SCN4A: variants seen among roughly 807,000 people sequenced by gnomAD.
SCN4A encodes sodium voltage-gated channel alpha subunit 4, also known as sodium channel protein type 4 subunit alpha.
In SCN4A, 83 loss-of-function variants were observed where a neutral mutation model predicts 162.0. The observed-to-expected ratio is 0.51, with a 90% CI of 0.43 to 0.61. The LOEUF (loss-of-function observed/expected upper bound fraction) is 0.61. Among genes scored for constraint, SCN4A ranks in the 20% least tolerant of loss-of-function variants. SCN4A has a pLI of 0.00. For synonymous variants in SCN4A, 944 were observed against 985.1 expected (o/e 0.96, Z 0.78); for missense variants, 2,196 against 2,462.5 (o/e 0.89, Z 2.29).
intron 23 of SCN4A, among the ~76,000 whole-genome samples, chr17:63,942,257 TG>T (rs1321411279): frequency 0.12 from 12,511 of 104,774 alleles, 1,740 homozygotes; most frequent in African/African-American, 0.36. Flanking sequence ...CAAATGCCAC[TG>T]GTGTGTGTGT....
intron 13 of SCN4A, among the ~76,000 whole-genome samples, chr17:63,955,467 TGAAA>T (rs1909045895): frequency 6.6e-6 from 1 of 152,184 alleles, no homozygotes; most frequent in Non-Finnish European, 1.5e-5. Flanking sequence ...AACCACCCAG[TGAAA>T]GAGTCATCCC....
rs182909174 is a variant in SCN4A, at chr17:63,960,134, T to A, written c.1846-696A>T. ...AGCTCCCTGGGCACGGCCCCCCTCC[T>A]GCCAGGCACCAGCTGCCCTGGGTCC... is the stretch of plus-strand genomic sequence containing the variant. On this transcript the variant is annotated intron_variant, in intron 11 of 23. Transcript: ENST00000435607. Among the ~76,000 whole-genome samples the A allele has an allele frequency of 4.6e-4, 70 of 152,332 alleles. No homozygotes were observed. The East Asian group carries it at 6.6e-3, about 14-fold the overall frequency.
intron 10 of SCN4A, chr17:63,961,637 A>C (rs1379967253): frequency 2.7e-6 from 1 of 372,874 alleles, no homozygotes; most frequent in Non-Finnish European, 5.1e-6. Flanking sequence ...ACATGGCTTC[A>C]CCCCAAAGCC....
At chr17:63,966,005 G>T in intron 8 of SCN4A, 97 bp downstream of exon 8, 1 of 887,360 alleles carries the variant, frequency 1.1e-6, no homozygotes, top group Non-Finnish European at 1.8e-6. Context: ...TTCGGGGGTT[G>T]GCCATCCTGT....
Position 63,949,478 on chromosome 17 carries a change from A to AGG in SCN4A, c.2903_2904insCC (p.Asp969LeufsTer73). ...GGTCCTCCTCGGGGGGCTTGTAGTC[A>AGG]GCTGTGCTGCAGACGGACGAGTTCC... On this transcript the variant is annotated frameshift_variant, in exon 15 of 24. Transcript: ENST00000435607. LOFTEE classifies it high-confidence loss of function. The AGG allele has an allele frequency of 6.2e-7, 1 of 1,612,706 alleles. No homozygotes were observed. The highest frequency in any genetic ancestry group is 8.5e-7 in the Non-Finnish European group (1 of 1,179,296).
chr17:63,969,457 C>T (rs998907139), intron 5 of SCN4A, among the ~76,000 whole-genome samples: 77 of 152,128 alleles, frequency 5.1e-4, no homozygotes, highest in Non-Finnish European at 9.4e-4. Flanking sequence ...TAAAAGCCCT[C>T]CTGCGCCCCG....
chr17:63,972,871 G>T lies in SCN4A; in HGVS notation c.-30C>A, dbSNP rs1909662336. 2 of 1,578,490 alleles carry T rather than the reference G, an allele frequency of 1.3e-6. No individual in the cohort carries two copies. The highest frequency in any genetic ancestry group is 1.7e-6 in the Non-Finnish European group (2 of 1,162,214). ...GCATCCTGGGCTCAGAGACCAGAAG[G>T]GTGGTGGGTGGCCTGGGGAGCTGCA... is the stretch of plus-strand genomic sequence containing the variant. On this transcript the variant is annotated 5_prime_UTR_variant, in exon 1 of 24. Coordinates refer to ENST00000435607, the MANE Select transcript of SCN4A (RefSeq NM_000334.4). The surrounding 1 kb of genome is among the most constrained non-coding windows in gnomAD (Gnocchi z 4.3).
chr17:63,967,648 CAG>C (rs1909489839), intron 6 of SCN4A, among the ~76,000 whole-genome samples: 1 of 151,588 alleles, frequency 6.6e-6, no homozygotes, highest in South Asian at 2.1e-4. Context: ...GAAGTGGAGA[CAG>C]GGCGGGGAGC....
At position 63,968,326 on chromosome 17, in the gene SCN4A, G is replaced by T. The variant is rs2144810270; in HGVS notation, c.733C>A (p.Gln245Lys). Residue 245 changes from glutamine to lysine, a missense_variant, in exon 6 of 24, where the codon CAG (glutamine) becomes AAG (lysine). By Grantham distance (53) the Gln-to-Lys change is moderately conservative (BLOSUM62 1). Coordinates refer to ENST00000435607, the MANE Select transcript of SCN4A (RefSeq NM_000334.4). ...ACATCCGACAGCTTTTTCACCGACT[G>T]GATCAGGGCCCCCACGATCGTCTTC... ...GLKTIVGALIQSVKKLSDVMI... is the reference protein window; with the variant it reads ...GLKTIVGALIKSVKKLSDVMI... 6 of 1,607,090 alleles carry T rather than the reference G, an allele frequency of 3.7e-6. No homozygotes were observed. Among genetic ancestry groups the T allele is most frequent in the Non-Finnish European group, 5.1e-6 (6 of 1,174,794 alleles).
chr17:63,947,112 A>C lies in SCN4A; in HGVS notation c.3374T>G (p.Ile1125Ser). The change falls in exon 18 of 24, where the codon ATC (isoleucine) becomes AGC (serine). Residue 1125 changes from isoleucine to serine, a missense_variant. Coordinates refer to ENST00000435607, the MANE Select transcript of SCN4A (RefSeq NM_000334.4). ...GGCCCGCAGTGTCCGCAGGGATTTG[A>C]TGGGTCCCAGCTCCGAGTAGCCCAG... ...NWLGYSELGPIKSLRTLRALR... is the reference protein window; with the variant it reads ...NWLGYSELGPSKSLRTLRALR... 1 of 1,577,218 alleles carries C rather than the reference A, an allele frequency of 6.3e-7. No individual in the cohort carries two copies. Among genetic ancestry groups the C allele is most frequent in the Non-Finnish European group, 8.6e-7 (1 of 1,156,912 alleles).
At position 63,972,381 on chromosome 17, in the gene SCN4A, C is replaced by A; in HGVS notation, c.363G>T (p.Arg121Ser). The part of the protein sequence containing the change: ...LYLLSPFSVV[R>S]RGAIKVLIHA... Reference sequence around the variant, plus strand: ...GGATGAGCACCTTGATGGCCCCGCGCCTGACTACGCTGAAGGGGCTCAGCA... The same window carrying A: ...GGATGAGCACCTTGATGGCCCCGCGACTGACTACGCTGAAGGGGCTCAGCA... Residue 121 changes from arginine to serine, a missense_variant, in exon 2 of 24, where the codon AGG becomes AGT. Transcript: ENST00000435607. This position sits in a 1 kb window ranked among gnomAD's most constrained non-coding sequence, Gnocchi z 4.3. 2 of 1,613,932 alleles carry A rather than the reference C, an allele frequency of 1.2e-6. No homozygotes were observed. Among genetic ancestry groups the A allele is most frequent in the Middle Eastern group, 1.6e-4 (1 of 6,062 alleles).
rs1278282851 is a variant in SCN4A, at chr17:63,944,624, G to A, written c.3912+49C>T. On this transcript the variant is annotated intron_variant, in intron 21 of 23. Coordinates refer to ENST00000435607, the MANE Select transcript of SCN4A (RefSeq NM_000334.4). This position sits in a 1 kb window ranked among gnomAD's most constrained non-coding sequence, Gnocchi z 4.3. ...AATGGAGAGTGGACAAAGGAGGCAG[G>A]AGGGAGGCCCAGCACCGGGAGGGCC... The A allele has an allele frequency of 1.7e-5, 27 of 1,559,668 alleles. No individual in the cohort carries two copies. Among genetic ancestry groups the A allele is most frequent in the African/African-American group, 2.7e-5 (2 of 73,818 alleles).
In SCN4A at chr17:63,948,780, GGGGACA is replaced by G; in HGVS notation, c.2990-21_2990-16del. ...CTGCACGCAGGCTGATGGGGTGAGG[GGGGACA>G]GGGACAGGCACCACATCATGGGCCT... On this transcript the variant is annotated splice_polypyrimidine_tract_variant and intron_variant, in intron 15 of 23. Coordinates refer to ENST00000435607, the MANE Select transcript of SCN4A (RefSeq NM_000334.4). The G allele has an allele frequency of 1.3e-6, 2 of 1,589,120 alleles. No homozygotes were observed. Among genetic ancestry groups the G allele is most frequent in the Non-Finnish European group, 1.7e-6 (2 of 1,164,054 alleles).
At chr17:63,959,916 C>A (rs1909192612) in intron 11 of SCN4A, among the ~76,000 whole-genome samples, 1 of 152,214 alleles carries the variant, frequency 6.6e-6, no homozygotes, top group Admixed American at 6.5e-5. Context: ...AAGCCCAGTT[C>A]TCAGGTGCTC....
chr17:63,970,532 C>T (rs547658313), intron 5 of SCN4A, among the ~76,000 whole-genome samples: 2 of 152,292 alleles, frequency 1.3e-5, no homozygotes, highest in Non-Finnish European at 2.9e-5. Flanking sequence ...GGCAAAATTA[C>T]AGCTCATAGC....
Position 63,972,083 on chromosome 17 carries a change from C to T in SCN4A, c.482+53G>A. The T allele has an allele frequency of 1.4e-6, 2 of 1,391,374 alleles. No individual in the cohort carries two copies. Among genetic ancestry groups the T allele is most frequent in the Non-Finnish European group, 2.0e-6 (2 of 989,234 alleles). The allele number at this position is 1,391,374 out of a possible 1,614,324, so 86.2% of individuals were successfully genotyped here. On this transcript the variant is annotated intron_variant, in intron 3 of 23. Transcript: ENST00000435607. This position sits in a 1 kb window ranked among gnomAD's most constrained non-coding sequence, Gnocchi z 4.3. ...CAGCACCACACAGAGGTGCAAACACCTGAGATGGGCTGTGTCCCAGGGCTG... is the reference window on the plus strand; with the variant it reads ...CAGCACCACACAGAGGTGCAAACACTTGAGATGGGCTGTGTCCCAGGGCTG...
intron 11 of SCN4A, 39 bp downstream of exon 11, chr17:63,961,154 T>G: frequency 4.2e-6 from 3 of 706,596 alleles, no homozygotes; most frequent in Non-Finnish European, 4.6e-6. Context: ...CCCCCTCCCA[T>G]CCTGCCCATG....
At chr17:63,957,059 T>C in intron 13 of SCN4A, 103 bp downstream of exon 13, 1 of 788,624 alleles carries the variant, frequency 1.3e-6, no homozygotes, top group Non-Finnish European at 2.0e-6. Flanking sequence ...AAAATTGCCA[T>C]TTTGGAGAGG....
chr17:63,949,958 G>A (rs774190686), intron 14 of SCN4A, among the ~76,000 whole-genome samples: 6 of 152,140 alleles, frequency 3.9e-5, no homozygotes, highest in South Asian at 2.1e-4. Flanking sequence ...TGCCCCTAGC[G>A]TCTGAGCCTT....
Sources: allele counts gnomAD v4.1 joint callset (sites outside exome capture counted in the v4.1 genomes callset), GRCh38; gene constraint gnomAD v4.1.1; non-coding constraint Gnocchi (gnomAD v3.1); transcripts MANE v1.5; gene names NCBI Gene and HGNC (gene_info 2026-07-23, HGNC 2026-07-21).